The following NKAIN2 variants were observed in gnomAD, a reference collection of about 807,000 sequenced individuals.
The protein encoded by NKAIN2 is sodium/potassium-transporting ATPase subunit beta-1-interacting protein 2.
NKAIN2 carries 14 observed loss-of-function variants against 32.6 expected under a neutral mutation model. The ratio of observed to expected loss-of-function variants is 0.43; its 90% CI spans 0.28 to 0.67. The LOEUF is 0.67. Ranked by LOEUF, NKAIN2 falls within the 30% of genes least tolerant of loss-of-function variation. NKAIN2 has a pLI of 0.17. For synonymous variants in NKAIN2, 80 were observed against 87.2 expected (o/e 0.92, Z 0.46); for missense variants, 198 against 258.3 (o/e 0.77, Z 1.60).
At chr6:123,940,968 G>A (rs1036085547) in intron 1 of NKAIN2, among the ~76,000 whole-genome samples, 5 of 151,756 alleles carry the variant, frequency 3.3e-5, no homozygotes, top group Non-Finnish European at 7.4e-5. Flanking sequence ...AATACACATT[G>A]TACAGCTCTA....
At chr6:124,302,671 G>A (rs1378519949) in intron 2 of NKAIN2, among the ~76,000 whole-genome samples, 1 of 152,150 alleles carries the variant, frequency 6.6e-6, no homozygotes, top group Admixed American at 6.5e-5. Flanking sequence ...AGGCACTTTG[G>A]TATGTAAAAG....
intron 3 of NKAIN2, among the ~76,000 whole-genome samples, chr6:124,534,096 A>G (rs1294605239): frequency 6.6e-6 from 1 of 152,144 alleles, no homozygotes; most frequent in African/African-American, 2.4e-5. Flanking sequence ...ACTTAAATGT[A>G]TGACTGCTAG....
chr6:124,513,628 A>T (rs542689959), intron 3 of NKAIN2, among the ~76,000 whole-genome samples: 32 of 152,278 alleles, frequency 2.1e-4, no homozygotes, highest in Admixed American at 1.4e-3. Context: ...GGCAAACCAT[A>T]TTGTACCCCC....
At chr6:124,782,314 G>A (rs973391217) in intron 4 of NKAIN2, among the ~76,000 whole-genome samples, 1 of 152,044 alleles carries the variant, frequency 6.6e-6, no homozygotes, top group Non-Finnish European at 1.5e-5. Context: ...CACTGGATAT[G>A]TGCTGAAGTC....
chr6:124,466,832 C>T (rs79469596), intron 3 of NKAIN2, among the ~76,000 whole-genome samples: 196 of 151,460 alleles, frequency 1.3e-3, no homozygotes, highest in African/African-American at 2.9e-3. Context: ...GTTCAATGGA[C>T]GTAGATTTTA....
chr6:123,909,785 G>C (rs561745800), intron 1 of NKAIN2, among the ~76,000 whole-genome samples: 1 of 152,220 alleles, frequency 6.6e-6, no homozygotes, highest in Non-Finnish European at 1.5e-5. Flanking sequence ...TATTTTAATA[G>C]GGTGTGTGTG....
At chr6:124,754,073 G>A (rs559948519) in intron 4 of NKAIN2, among the ~76,000 whole-genome samples, 13 of 152,126 alleles carry the variant, frequency 8.5e-5, no homozygotes, top group Admixed American at 2.0e-4. Flanking sequence ...TTTTCAAAGC[G>A]CTTGTTGAAT....
At chr6:124,162,575 T>C (rs943776110) in intron 1 of NKAIN2, among the ~76,000 whole-genome samples, 1 of 152,074 alleles carries the variant, frequency 6.6e-6, no homozygotes, top group African/African-American at 2.4e-5. Context: ...GCTTTATAGT[T>C]CCAGAATGTT....
chr6:124,143,788 T>C (rs1040315375), intron 1 of NKAIN2, among the ~76,000 whole-genome samples: 14 of 152,214 alleles, frequency 9.2e-5, no homozygotes, highest in Admixed American at 2.0e-4. Flanking sequence ...ATTCATAAAA[T>C]GTATATACCT....
At chr6:124,444,449 G>A (rs1191152547) in intron 3 of NKAIN2, among the ~76,000 whole-genome samples, 1 of 152,004 alleles carries the variant, frequency 6.6e-6, no homozygotes, top group Non-Finnish European at 1.5e-5. Flanking sequence ...AACTGGGATG[G>A]TTGTACCGTA....
chr6:124,707,691 TG>T (rs1163035125), intron 4 of NKAIN2, among the ~76,000 whole-genome samples: 1 of 151,806 alleles, frequency 6.6e-6, no homozygotes, highest in Non-Finnish European at 1.5e-5. Flanking sequence ...TGGGGTTGTT[TG>T]TTTTTTTCTT....
chr6:123,988,177 A>C (rs895137259), intron 1 of NKAIN2, among the ~76,000 whole-genome samples: 1 of 152,242 alleles, frequency 6.6e-6, no homozygotes, highest in African/African-American at 2.4e-5. Flanking sequence ...AAAGATATCA[A>C]TAAGGAATGT....
intron 3 of NKAIN2, among the ~76,000 whole-genome samples, chr6:124,643,759 T>C (rs1784072193): frequency 6.6e-6 from 1 of 152,142 alleles, no homozygotes; most frequent in African/African-American, 2.4e-5. Context: ...TGAGAAGTTA[T>C]CCATTTTTAA....
At chr6:124,746,642 G>A (rs891840858) in intron 4 of NKAIN2, among the ~76,000 whole-genome samples, 5 of 151,806 alleles carry the variant, frequency 3.3e-5, no homozygotes, top group Non-Finnish European at 7.4e-5. Flanking sequence ...GTTTATCTCT[G>A]AATTGTGGAA....
intron 2 of NKAIN2, among the ~76,000 whole-genome samples, chr6:124,302,076 G>T (rs952900803): frequency 1.3e-5 from 2 of 152,146 alleles, no homozygotes; most frequent in African/African-American, 2.4e-5. Flanking sequence ...ACTGAATCAT[G>T]GGGGCCACTT....
At chr6:124,746,154 T>C (rs1009331467) in intron 4 of NKAIN2, among the ~76,000 whole-genome samples, 1 of 151,896 alleles carries the variant, frequency 6.6e-6, no homozygotes, top group African/African-American at 2.4e-5. Flanking sequence ...CCATGTTATA[T>C]GGGGTTGGGC....
At chr6:124,639,004 G>A (rs1468909721) in intron 3 of NKAIN2, among the ~76,000 whole-genome samples, 1 of 151,656 alleles carries the variant, frequency 6.6e-6, no homozygotes, top group East Asian at 1.9e-4. Context: ...TAATAATCAG[G>A]GAAAAGTGAA....
intron 1 of NKAIN2, among the ~76,000 whole-genome samples, chr6:124,153,876 A>G (rs1475068999): frequency 6.6e-6 from 1 of 150,842 alleles, no homozygotes; most frequent in Non-Finnish European, 1.5e-5. Flanking sequence ...ATATAATGAG[A>G]GTGGGTACTT....
At chr6:124,179,990 A>C (rs574868231) in intron 1 of NKAIN2, among the ~76,000 whole-genome samples, 158 of 152,306 alleles carry the variant, frequency 1.0e-3, no homozygotes, top group African/African-American at 3.6e-3. Context: ...TGAGAGCCAC[A>C]AATTCTGAAT....
Sources: gnomAD v4.1 joint callset for allele counts (sites outside exome capture counted in the v4.1 genomes callset) on GRCh38, gnomAD v4.1.1 for gene constraint, MANE v1.5 for transcripts, NCBI Gene and HGNC (gene_info 2026-07-23, HGNC 2026-07-21) for gene names.